The following UNC80 variants were observed in gnomAD, a reference collection of about 807,000 sequenced individuals.
The protein encoded by UNC80 is unc-80 subunit of NALCN channel complex.
UNC80 carries 164 observed loss-of-function variants against 384.6 expected under a neutral mutation model. The ratio of observed to expected loss-of-function variants is 0.43; its 90% CI spans 0.38 to 0.49. The LOEUF is 0.49. Among genes scored for constraint, UNC80 ranks in the 20% least tolerant of loss-of-function variants. The pLI is 0.00. For missense variants in UNC80, 3,330 were observed against 4,143.0 expected (o/e 0.80, Z 5.39); for synonymous variants, 1,486 against 1,527.8 (o/e 0.97, Z 0.64).
rs150365289 is a variant in UNC80, at chr2:209,968,568, C to T, written c.8006+931C>T. 321 of 151,600 alleles carry T rather than the reference C, an allele frequency of 2.1e-3. 1 individual carries two copies. The highest frequency in any genetic ancestry group is 7.2e-3 in the African/African-American group (298 of 41,320). The allele number at this position is 151,600 out of a possible 1,614,324, so 9.4% of individuals were successfully genotyped here. On this transcript the variant is annotated intron_variant, in intron 52 of 64. Transcript: ENST00000673920. ...TATTTGTTTTTATATTCTTTTATAC[C>T]GTGGTGATGACTACCTATACATTAT... is the stretch of plus-strand genomic sequence containing the variant.
chr2:209,918,828 A>C (rs1253845883), intron 33 of UNC80, among the ~76,000 whole-genome samples, 165 bp downstream of exon 33: 4 of 152,214 alleles, frequency 2.6e-5, no homozygotes, highest in Admixed American at 2.0e-4. Flanking sequence ...AATATCGAGT[A>C]GTGAGTACTT....
intron 22 of UNC80, among the ~76,000 whole-genome samples, chr2:209,850,334 A>G (rs933201115): frequency 6.6e-6 from 1 of 152,114 alleles, no homozygotes; most frequent in Non-Finnish European, 1.5e-5. Flanking sequence ...GGTACAAAAT[A>G]CCAAGTAAAC....
chr2:209,925,200 T>C (rs1224593741), intron 35 of UNC80, among the ~76,000 whole-genome samples: 1 of 152,184 alleles, frequency 6.6e-6, no homozygotes, highest in African/African-American at 2.4e-5. Context: ...TCATTGCTTT[T>C]ACGGAAGAAC....
At chr2:209,912,510 G>A (rs559343402) in intron 29 of UNC80, 50 bp from the exon 30 acceptor site, 118 of 1,340,254 alleles carry the variant, frequency 8.8e-5, no homozygotes, top group Non-Finnish European at 1.1e-4. Context: ...AGCACTGTTG[G>A]GTTTTTAGAA....
intron 59 of UNC80, among the ~76,000 whole-genome samples, chr2:209,979,182 G>A (rs1380865371): frequency 6.6e-6 from 1 of 152,212 alleles, no homozygotes; most frequent in African/African-American, 2.4e-5. Context: ...CCGGGAGGCA[G>A]AGGTTGCAGT....
At chr2:209,887,054 T>C (rs1435604901) in intron 25 of UNC80, among the ~76,000 whole-genome samples, 1 of 152,168 alleles carries the variant, frequency 6.6e-6, no homozygotes, top group Admixed American at 6.6e-5. Flanking sequence ...TATTTATTTT[T>C]TGACAGAGTT....
At chr2:209,960,989 C>A (rs2092570716) in intron 51 of UNC80, 1 of 152,188 alleles carries the variant, frequency 6.6e-6, no homozygotes, top group Non-Finnish European at 1.5e-5. Flanking sequence ...ACATCACATT[C>A]CCAGAGTCAG....
chr2:209,851,144 A>G (rs2082500927), intron 22 of UNC80, among the ~76,000 whole-genome samples: 1 of 145,838 alleles, frequency 6.9e-6, no homozygotes, highest in South Asian at 2.3e-4. Context: ...TACAAGTTAA[A>G]AAAAAGGAAA....
At chr2:209,866,509 C>CAT (rs2083805743) in intron 22 of UNC80, among the ~76,000 whole-genome samples, 1 of 135,702 alleles carries the variant, frequency 7.4e-6, no homozygotes, top group Middle Eastern at 3.4e-3. Flanking sequence ...CACACACACA[C>CAT]ACACACACAC....
chr2:209,880,872 T>C (rs1185189529), intron 24 of UNC80, 89 bp from the exon 25 acceptor site: 8 of 1,274,898 alleles, frequency 6.3e-6, no homozygotes, highest in African/African-American at 1.5e-5. Flanking sequence ...AATTTGATTC[T>C]ATACATGTGT....
intron 31 of UNC80, among the ~76,000 whole-genome samples, chr2:209,917,153 C>T (rs2089613431): frequency 6.6e-6 from 1 of 152,128 alleles, no homozygotes. Flanking sequence ...TTATAACTGC[C>T]ACTGGCTCCT....
chr2:209,888,685 G>C lies in UNC80; in HGVS notation c.4276+425G>C, dbSNP rs375108840. On this transcript the variant is annotated intron_variant, in intron 26 of 64. Transcript: ENST00000673920. The stretch of plus-strand genomic sequence containing the variant: ...GGCTGGAGTGCAGTGGCACAATCTC[G>C]GCCCACTGCAACTTCCGCCTCCCAG... Among the ~76,000 whole-genome samples the C allele has an allele frequency of 6.6e-5, 10 of 151,632 alleles. 1 individual carries two copies. Among genetic ancestry groups the C allele is most frequent in the African/African-American group, 2.4e-4 (10 of 41,234 alleles).
chr2:209,905,568 C>T lies in UNC80; in HGVS notation c.4782+603C>T, dbSNP rs138483864. 2.1e-3 allele frequency among the ~76,000 whole-genome samples: 318 copies of T among 152,218 alleles called. 1 individual carries two copies. The highest frequency in any genetic ancestry group is 3.2e-3 in the Non-Finnish European group (215 of 68,012). ...AGAAGCAACCACAGCCCCGCCAATC[C>T]GTTTTAGATTTCTGACCTCCAGAAT... On this transcript the variant is annotated intron_variant, in intron 29 of 64. Coordinates refer to ENST00000673920, the MANE Select transcript of UNC80 (RefSeq NM_001371986.1).
At chr2:209,950,637 C>A (rs568479634) in intron 47 of UNC80, among the ~76,000 whole-genome samples, 108 of 151,332 alleles carry the variant, frequency 7.1e-4, no homozygotes, top group Non-Finnish European at 6.3e-4. Flanking sequence ...CGGCTCACAG[C>A]GACCTCCACC....
At chr2:209,830,234 C>T (rs2080855263) in intron 15 of UNC80, among the ~76,000 whole-genome samples, 2 of 152,034 alleles carry the variant, frequency 1.3e-5, no homozygotes, top group Admixed American at 6.5e-5. Flanking sequence ...CTGGTTGTAA[C>T]CCAGGAATAT....
chr2:209,863,248 C>T (rs1322218460), intron 22 of UNC80, among the ~76,000 whole-genome samples: 1 of 152,144 alleles, frequency 6.6e-6, no homozygotes, highest in Non-Finnish European at 1.5e-5. Flanking sequence ...TGGCCTTTCA[C>T]TCTGGCTGCC....
chr2:209,830,184 T>C (rs1053223242), intron 15 of UNC80, among the ~76,000 whole-genome samples: 2 of 152,242 alleles, frequency 1.3e-5, no homozygotes, highest in Admixed American at 1.3e-4. Flanking sequence ...TTGATTAGTT[T>C]ATAATGAAAA....
intron 28 of UNC80, among the ~76,000 whole-genome samples, chr2:209,903,320 A>ATATGTGTGTGTG (rs1553582548): frequency 7.7e-4 from 81 of 105,788 alleles, no homozygotes; most frequent in African/African-American, 2.9e-3. Flanking sequence ...ATTATATTAT[A>ATATGTGTGTGTG]TGTGTGTGTG....
In UNC80 at chr2:209,913,799, C is replaced by T; in HGVS notation, c.4891-3C>T. ...TTAAAACATGATTTCCATCTTTTCC[C>T]AGGTGATGAGCTTGTCGCCTGCTCC... On this transcript the variant is annotated splice_region_variant and splice_polypyrimidine_tract_variant and intron_variant, in intron 30 of 64. Transcript: ENST00000673920. The T allele has an allele frequency of 1.3e-6, 2 of 1,539,580 alleles. No homozygotes were observed. Among genetic ancestry groups the T allele is most frequent in the Non-Finnish European group, 1.8e-6 (2 of 1,138,430 alleles).
Sources: gnomAD v4.1 joint callset for allele counts (sites outside exome capture counted in the v4.1 genomes callset) on GRCh38, gnomAD v4.1.1 for gene constraint, MANE v1.5 for transcripts, NCBI Gene and HGNC (gene_info 2026-07-23, HGNC 2026-07-21) for gene names.